The following EFCAB6 variants were observed in gnomAD, a reference collection of about 807,000 sequenced individuals.
The protein encoded by EFCAB6 is EF-hand calcium-binding domain-containing protein 6.
A neutral mutation model predicts 169.8 loss-of-function variants in EFCAB6; 156 were observed. That is an observed-to-expected ratio of 0.92 (90% CI 0.81 to 1.05). EFCAB6 has a LOEUF of 1.05. Ranked by LOEUF, EFCAB6 falls within the 50% of genes least tolerant of loss-of-function variation. The pLI is 0.00. For synonymous variants in EFCAB6, 698 were observed against 676.4 expected, an observed-to-expected ratio of 1.03 and a Z score of -0.50; for missense variants, 1,800 against 1,829.1, an observed-to-expected ratio of 0.98 and a Z score of 0.29.
At chr22:43,760,859 C>A (rs953181424) in intron 5 of EFCAB6, among the ~76,000 whole-genome samples, 1 of 152,162 alleles carries the variant, frequency 6.6e-6, no homozygotes, top group Non-Finnish European at 1.5e-5. Flanking sequence ...GACGGGGTTT[C>A]GCCATGTTGG....
At chr22:43,765,711 C>T (rs2061307266) in intron 4 of EFCAB6, among the ~76,000 whole-genome samples, 1 of 151,980 alleles carries the variant, frequency 6.6e-6, no homozygotes, top group South Asian at 2.1e-4. Context: ...ATATGTGTTA[C>T]ACATATAATA....
In EFCAB6 at chr22:43,710,646, A is replaced by G. The variant is rs551792813; in HGVS notation, c.1031+829T>C. 2.0e-5 allele frequency among the ~76,000 whole-genome samples: 3 copies of G among 152,330 alleles called. No individual in the cohort carries two copies. The East Asian group carries it at 5.8e-4, about 29-fold the overall frequency. Reference sequence around the variant, plus strand: ...CCTCCAACCAGTAAGAGAAGAAGAAATGATAGACACAGAATGTCATCATTT... The same window carrying G: ...CCTCCAACCAGTAAGAGAAGAAGAAGTGATAGACACAGAATGTCATCATTT... On this transcript the variant is annotated intron_variant, in intron 10 of 31. Transcript: ENST00000262726.
At chr22:43,595,117 C>G (rs940728811) in intron 23 of EFCAB6, among the ~76,000 whole-genome samples, 1 of 151,442 alleles carries the variant, frequency 6.6e-6, no homozygotes, top group South Asian at 2.1e-4. Context: ...CTATGGGATG[C>G]AGCAAAAGCA....
At position 43,534,767 on chromosome 22, in the gene EFCAB6, A is replaced by C. The variant is rs1286123093; in HGVS notation, c.4154T>G (p.Ile1385Ser). Residue 1385 changes from isoleucine to serine, a missense_variant, in exon 30 of 32, where the codon ATT (isoleucine) becomes AGT (serine). By Grantham distance (142) the Ile-to-Ser change is moderately radical (BLOSUM62 -2). Coordinates refer to ENST00000262726, the MANE Select transcript of EFCAB6 (RefSeq NM_022785.4). ...SNGKFAYCDF[I>S]QSCVLLLKAK... ...TTTTAGCAGGAGGACACAGCTCTGA[A>C]TGAAGTCACAGTATGCAAATTTCCC... The C allele has an allele frequency of 4.3e-6, 7 of 1,614,032 alleles. No individual in the cohort carries two copies. The highest frequency in any genetic ancestry group is 5.9e-6 in the Non-Finnish European group (7 of 1,179,984).
At chr22:43,624,310 A>T (rs2054339989) in intron 20 of EFCAB6, among the ~76,000 whole-genome samples, 1 of 152,086 alleles carries the variant, frequency 6.6e-6, no homozygotes, top group Non-Finnish European at 1.5e-5. Context: ...CTTTGTGTCC[A>T]TCCTCCACTC....
chr22:43,566,962 G>A (rs1214424556), intron 26 of EFCAB6, among the ~76,000 whole-genome samples: 1 of 152,032 alleles, frequency 6.6e-6, no homozygotes, highest in Non-Finnish European at 1.5e-5. Context: ...CAACCCCTGG[G>A]CTCTGGAAGC....
At chr22:43,789,895 A>G (rs2062220034) in intron 2 of EFCAB6, among the ~76,000 whole-genome samples, 1 of 150,790 alleles carries the variant, frequency 6.6e-6, no homozygotes. Flanking sequence ...AAGTCTTCCT[A>G]CCAGGTTCCA....
intron 22 of EFCAB6, 94 bp from the exon 23 acceptor site, chr22:43,600,357 G>T: frequency 7.8e-7 from 1 of 1,282,906 alleles, no homozygotes; most frequent in Non-Finnish European, 1.1e-6. Flanking sequence ...CATCCATGAG[G>T]AGCTCGTCTT....
intron 10 of EFCAB6, among the ~76,000 whole-genome samples, chr22:43,692,925 C>T (rs2058458903): frequency 6.6e-6 from 1 of 152,072 alleles, no homozygotes; most frequent in Admixed American, 6.6e-5. Context: ...TGAAAAAGGC[C>T]TTGCCAAGGT....
intron 23 of EFCAB6, among the ~76,000 whole-genome samples, chr22:43,593,959 TTC>T (rs1251326821): frequency 6.6e-6 from 1 of 152,136 alleles, no homozygotes; most frequent in Non-Finnish European, 1.5e-5. Context: ...CCCAATTTTT[TTC>T]TCTGTTATAA....
intron 17 of EFCAB6, among the ~76,000 whole-genome samples, chr22:43,645,342 A>G (rs2148009066): frequency 6.6e-6 from 1 of 152,230 alleles, no homozygotes; most frequent in Non-Finnish European, 1.5e-5. Flanking sequence ...TAGAAAGAGG[A>G]AAAAAAGTAC....
chr22:43,589,991 C>T (rs1172659294), intron 24 of EFCAB6, 83 bp downstream of exon 24: 10 of 1,521,044 alleles, frequency 6.6e-6, no homozygotes, highest in African/African-American at 2.8e-5. Flanking sequence ...GCTGTTTGGG[C>T]GGACATACAG....
intron 24 of EFCAB6, among the ~76,000 whole-genome samples, chr22:43,588,086 T>A (rs908022788): frequency 6.6e-6 from 1 of 152,344 alleles, no homozygotes; most frequent in Admixed American, 6.5e-5. Flanking sequence ...TATTCTCTGG[T>A]AAATCTGAAA....
In EFCAB6 at chr22:43,612,265, T is replaced by C. The variant is rs1220680669; in HGVS notation, c.2562+3561A>G. On this transcript the variant is annotated intron_variant, in intron 21 of 31. Coordinates refer to ENST00000262726, the MANE Select transcript of EFCAB6 (RefSeq NM_022785.4). ...GCAATACCATTCTGGACATAGGAAC[T>C]GAGAAATATTTCATGACGAAAGAAA... 2.6e-5 allele frequency among the ~76,000 whole-genome samples: 4 copies of C among 152,180 alleles called. No individual in the cohort carries two copies. In the East Asian group the frequency reaches 7.7e-4, roughly 29 times the overall value.
At chr22:43,747,381 G>C (rs2060602344) in intron 6 of EFCAB6, among the ~76,000 whole-genome samples, 1 of 152,162 alleles carries the variant, frequency 6.6e-6, no homozygotes, top group African/African-American at 2.4e-5. Flanking sequence ...AGGACTAGGG[G>C]AACAGCACTG....
At chr22:43,564,934 G>GT (rs2049327451) in intron 26 of EFCAB6, among the ~76,000 whole-genome samples, 1 of 152,204 alleles carries the variant, frequency 6.6e-6, no homozygotes, top group South Asian at 2.1e-4. Context: ...AGCAGTGCAC[G>GT]TGCGTTTGCT....
intron 28 of EFCAB6, among the ~76,000 whole-genome samples, chr22:43,538,281 T>C (rs548984367): frequency 5.9e-4 from 90 of 152,294 alleles, no homozygotes; most frequent in African/African-American, 2.1e-3. Flanking sequence ...GGCTCTACCT[T>C]GATGATACAT....
chr22:43,671,508 T>C (rs2057492078), intron 15 of EFCAB6, among the ~76,000 whole-genome samples: 1 of 152,220 alleles, frequency 6.6e-6, no homozygotes, highest in African/African-American at 2.4e-5. Context: ...TATTTAACTG[T>C]TGCAACTCAC....
rs780670350 is a variant in EFCAB6, at chr22:43,626,506, A to G, written c.2406T>C (p.Phe802=). The change falls in exon 20 of 32, where the codon TTT becomes TTC. Residue 802 remains phenylalanine, a synonymous_variant. Coordinates refer to ENST00000262726, the MANE Select transcript of EFCAB6 (RefSeq NM_022785.4). ...ATGGTCTCTTCTCACACAAATTTTG[A>G]AATTCCCGAAAATTTAAAGTGACAC... The part of the protein sequence containing the change: ...RLSVTLNFRE[F]QNLCEKRPWR... 1.2e-6 allele frequency: 2 copies of G among 1,614,140 alleles called. No individual in the cohort carries two copies. Among genetic ancestry groups the G allele is most frequent in the African/African-American group, 2.7e-5 (2 of 74,998 alleles).
Sources: gnomAD v4.1 joint callset for allele counts (sites outside exome capture counted in the v4.1 genomes callset) on GRCh38, gnomAD v4.1.1 for gene constraint, MANE v1.5 for transcripts, NCBI Gene and HGNC (gene_info 2026-07-23, HGNC 2026-07-21) for gene names.